ZSCAN5A: variants seen among roughly 807,000 people sequenced by gnomAD.
ZSCAN5A encodes zinc finger and SCAN domain containing 5A.
Under a neutral mutation model 23.7 loss-of-function variants are expected in ZSCAN5A, and 12 were observed. The observed-to-expected ratio is 0.51, with a 90% CI of 0.32 to 0.82. The LOEUF (loss-of-function observed/expected upper bound fraction) is 0.82. Among genes scored for constraint, ZSCAN5A ranks in the 40% least tolerant of loss-of-function variants. The pLI is 0.03. For synonymous variants in ZSCAN5A, 257 were observed against 239.9 expected (o/e 1.07, Z -0.66); for missense variants, 597 against 617.9 (o/e 0.97, Z 0.36).
chr19:56,233,388 T>C (rs1341750085), intron 2 of ZSCAN5A, among the ~76,000 whole-genome samples: 1 of 152,122 alleles, frequency 6.6e-6, no homozygotes, highest in Non-Finnish European at 1.5e-5. Context: ...CCGCTCGTTA[T>C]CGTGTTGAGA....
chr19:56,322,204 G>C (rs1397528602), intron 2 of ZSCAN5A: 1 of 846,740 alleles, frequency 1.2e-6, no homozygotes, highest in Non-Finnish European at 2.1e-6. Context: ...CATAGACCAG[G>C]CTCATTTGTT....
intron 3 of ZSCAN5A, chr19:56,224,401 A>G (rs1233753966): frequency 4.0e-5 from 22 of 553,634 alleles, no homozygotes; most frequent in Middle Eastern, 4.8e-4. Context: ...TTGCCGTCTC[A>G]GCACAGCTGA....
At chr19:56,272,106 AGG>A (rs2037891635) in intron 2 of ZSCAN5A, among the ~76,000 whole-genome samples, 2 of 152,248 alleles carry the variant, frequency 1.3e-5, no homozygotes, top group South Asian at 4.1e-4. Context: ...TAACTTGCTC[AGG>A]GTACATAGCT....
intron 1 of ZSCAN5A, chr19:56,365,880 C>T (rs926133966): frequency 1.3e-5 from 2 of 152,308 alleles, no homozygotes; most frequent in East Asian, 1.9e-4. Flanking sequence ...TTTACACTTT[C>T]GTGAGTTTTA....
chr19:56,235,991 C>T (rs78383893), intron 2 of ZSCAN5A, among the ~76,000 whole-genome samples: 4 of 59,270 alleles, frequency 6.7e-5, no homozygotes, highest in African/African-American at 1.9e-4. Flanking sequence ...CAAGCCTCCA[C>T]TCCAGCCTCT....
At chr19:56,358,088 A>T (rs1022051362) in intron 2 of ZSCAN5A, among the ~76,000 whole-genome samples, 4 of 148,772 alleles carry the variant, frequency 2.7e-5, no homozygotes, top group Non-Finnish European at 4.5e-5. Flanking sequence ...TATTCACCCA[A>T]TACAGGAGCA....
In ZSCAN5A at chr19:56,221,624, T is replaced by G; in HGVS notation, c.1442A>C (p.Lys481Thr). The part of the protein sequence containing the change: ...SKCPRAFSRL[K>T]LLRRHQKTHP... The stretch of plus-strand genomic sequence containing the variant: ...TGTTTTCTGGTGGCGTCTTAACAAT[T>G]TCAGCCGACTGAAGGCTCTTGGACA... Residue 481 changes from lysine to threonine, a missense_variant, in exon 6 of 6, where the codon AAA becomes ACA. Physicochemically the swap from Lys to Thr is moderately conservative, Grantham distance 78 (BLOSUM62 -1). This residue lies in a region of ZSCAN5A where 87 missense variants were observed against 74.4 expected (regional missense o/e 1.17). Coordinates refer to ENST00000683990, the MANE Select transcript of ZSCAN5A (RefSeq NM_001322064.3). 1 of 1,611,698 alleles carries G rather than the reference T, an allele frequency of 6.2e-7. No individual in the cohort carries two copies. Among genetic ancestry groups the G allele is most frequent in the Non-Finnish European group, 8.5e-7 (1 of 1,179,010 alleles).
chr19:56,227,608 C>T (rs1016269280), intron 2 of ZSCAN5A, among the ~76,000 whole-genome samples: 1 of 152,296 alleles, frequency 6.6e-6, no homozygotes, highest in South Asian at 2.1e-4. Context: ...AAGGCAGACA[C>T]AGGAGTTAGT....
At chr19:56,246,758 A>G in intron 2 of ZSCAN5A, 10 of 1,558,978 alleles carry the variant, frequency 6.4e-6, no homozygotes, top group Non-Finnish European at 7.9e-6. Flanking sequence ...AAGGAGGGGA[A>G]GGAACCCAAA....
At chr19:56,272,879 G>A in intron 2 of ZSCAN5A, 3 of 985,442 alleles carry the variant, frequency 3.0e-6, no homozygotes, top group Non-Finnish European at 3.6e-6. Context: ...TGCTGATTCT[G>A]CTTTTCCTGG....
At chr19:56,325,861 G>A (rs1331305605) in intron 2 of ZSCAN5A, among the ~76,000 whole-genome samples, 1 of 152,046 alleles carries the variant, frequency 6.6e-6, no homozygotes, top group Non-Finnish European at 1.5e-5. Flanking sequence ...CCTTTTGCCA[G>A]CTTTGAGTTT....
intron 2 of ZSCAN5A, among the ~76,000 whole-genome samples, chr19:56,276,643 T>C (rs2147011845): frequency 1.3e-5 from 2 of 152,114 alleles, no homozygotes; most frequent in Middle Eastern, 3.4e-3. Context: ...TTCAAGCGAT[T>C]CTCCTGCCTC....
At chr19:56,246,070 CCAAA>C (rs1223058979) in intron 2 of ZSCAN5A, among the ~76,000 whole-genome samples, 2 of 152,068 alleles carry the variant, frequency 1.3e-5, no homozygotes, top group African/African-American at 4.8e-5. Context: ...GCTCAGAGAA[CCAAA>C]CAGTGAAAAC....
At chr19:56,226,367 C>T (rs1205352198) in intron 2 of ZSCAN5A, among the ~76,000 whole-genome samples, 1 of 152,184 alleles carries the variant, frequency 6.6e-6, no homozygotes, top group South Asian at 2.1e-4. Flanking sequence ...AACTCAAACT[C>T]CTCCAGAGCG....
At chr19:56,364,072 C>G (rs2041750263) in intron 1 of ZSCAN5A, among the ~76,000 whole-genome samples, 1 of 152,142 alleles carries the variant, frequency 6.6e-6, no homozygotes, top group Admixed American at 6.5e-5. Context: ...GAGACCTCTG[C>G]AGCAACCCCT....
intron 2 of ZSCAN5A, among the ~76,000 whole-genome samples, chr19:56,356,620 T>G (rs1473836733): frequency 2.7e-5 from 4 of 148,610 alleles, no homozygotes; most frequent in Non-Finnish European, 5.9e-5. Context: ...TGGCTTCACA[T>G]ATTGTAAAAT....
At chr19:56,329,579 A>G (rs1392248296) in intron 2 of ZSCAN5A, among the ~76,000 whole-genome samples, 1 of 152,026 alleles carries the variant, frequency 6.6e-6, no homozygotes, top group African/African-American at 2.4e-5. Flanking sequence ...CAAAGCAAGC[A>G]GAAGAAATAA....
In ZSCAN5A at chr19:56,244,118, G is replaced by A. The variant is rs544656918; in HGVS notation, c.-127-18945C>T. ...CCCTGAGTCAGAGCCGCCACAGTCT[G>A]TGGCTTCCCCAGAAACTCAACTTGG... On this transcript the variant is annotated intron_variant, in intron 2 of 5. Transcript: ENST00000683990. 1.2e-3 allele frequency: 1,910 copies of A among 1,559,796 alleles called. 15 individuals are homozygous for A. Among genetic ancestry groups the A allele is most frequent in the South Asian group, 6.3e-3 (563 of 89,292 alleles).
chr19:56,285,409 C>A (rs942627537), intron 2 of ZSCAN5A, among the ~76,000 whole-genome samples: 4 of 152,192 alleles, frequency 2.6e-5, no homozygotes, highest in African/African-American at 9.7e-5. Flanking sequence ...CATGTATGTA[C>A]ATCCTTAACT....
Sources: allele counts gnomAD v4.1 joint callset (sites outside exome capture counted in the v4.1 genomes callset), GRCh38; gene constraint gnomAD v4.1.1; regional missense constraint gnomAD v4.1.1; transcripts MANE v1.5; gene names NCBI Gene and HGNC (gene_info 2026-07-23, HGNC 2026-07-21).